SEL1L2: variants seen among roughly 807,000 people sequenced by gnomAD.
SEL1L2 encodes SEL1L2 adaptor subunit of SYVN1 ubiquitin ligase, also known as protein sel-1 homolog 2.
In SEL1L2, 89 loss-of-function variants were observed where a neutral mutation model predicts 98.8. The ratio of observed to expected loss-of-function variants is 0.90; its 90% CI spans 0.76 to 1.07. SEL1L2 has a LOEUF of 1.07. Among genes scored for constraint, SEL1L2 ranks in the 50% least tolerant of loss-of-function variants. The pLI is 0.00. For missense variants in SEL1L2, 788 were observed against 812.0 expected (o/e 0.97, Z 0.36); for synonymous variants, 262 against 278.5 (o/e 0.94, Z 0.59).
intron 18 of SEL1L2, among the ~76,000 whole-genome samples, chr20:13,852,930 C>T (rs1290245407): frequency 6.6e-6 from 1 of 151,912 alleles, no homozygotes; most frequent in African/African-American, 2.4e-5. Context: ...TTCTTATTTT[C>T]TTTTTATAAA....
At chr20:13,888,703 A>C (rs982848101) in intron 5 of SEL1L2, among the ~76,000 whole-genome samples, 191 bp from the exon 6 acceptor site, 1 of 127,882 alleles carries the variant, frequency 7.8e-6, no homozygotes, top group African/African-American at 3.0e-5. Flanking sequence ...CAGTGGCGAG[A>C]TCTCGGCTCA....
intron 1 of SEL1L2, among the ~76,000 whole-genome samples, chr20:13,972,166 A>T (rs2051315373): frequency 6.6e-6 from 1 of 152,186 alleles, no homozygotes; most frequent in Non-Finnish European, 1.5e-5. Context: ...TTCATTTAGA[A>T]ATCTGTTGAT....
intron 1 of SEL1L2, among the ~76,000 whole-genome samples, chr20:13,979,536 T>C (rs1269341202): frequency 6.6e-6 from 1 of 152,130 alleles, no homozygotes; most frequent in African/African-American, 2.4e-5. Flanking sequence ...TGATTATGTA[T>C]CAACGAAAAA....
At chr20:13,926,678 A>G (rs533065771) in intron 3 of SEL1L2, among the ~76,000 whole-genome samples, 1 of 152,366 alleles carries the variant, frequency 6.6e-6, no homozygotes, top group African/African-American at 2.4e-5. Flanking sequence ...TTGGGCAAAT[A>G]GTTCCTCGTT....
chr20:13,886,380 G>A lies in SEL1L2; in HGVS notation c.808C>T (p.Pro270Ser). Residue 270 changes from proline (P) to serine (S), a missense_variant, in exon 9 of 20, where the codon CCT becomes TCT. Coordinates refer to ENST00000284951, the MANE Select transcript of SEL1L2 (RefSeq NM_025229.2). ...TCACTGTTAGAACTCAGATTTTCAGGTCTTTCCGTTAGTCTCACTTTTTCC... is the reference window on the plus strand; with the variant it reads ...TCACTGTTAGAACTCAGATTTTCAGATCTTTCCGTTAGTCTCACTTTTTCC... ...PVEKVRLTERPENLSSNSEIL... is the reference protein window; with the variant it reads ...PVEKVRLTERSENLSSNSEIL... 1 of 1,613,630 alleles carries A rather than the reference G, an allele frequency of 6.2e-7. No homozygotes were observed. The highest frequency in any genetic ancestry group is 8.5e-7 in the Non-Finnish European group (1 of 1,179,688).
intron 1 of SEL1L2, among the ~76,000 whole-genome samples, chr20:13,987,050 C>T (rs2052229583): frequency 6.6e-6 from 1 of 152,118 alleles, no homozygotes; most frequent in South Asian, 2.1e-4. Flanking sequence ...CCAGGATGGT[C>T]TCCATCTCTT....
At chr20:13,894,801 T>C (rs996081472) in intron 5 of SEL1L2, among the ~76,000 whole-genome samples, 1 of 152,190 alleles carries the variant, frequency 6.6e-6, no homozygotes, top group African/African-American at 2.4e-5. Context: ...TTTGAAGAAA[T>C]AGCAGATCTG....
At chr20:13,975,091 T>C (rs989530808) in intron 1 of SEL1L2, among the ~76,000 whole-genome samples, 1 of 152,186 alleles carries the variant, frequency 6.6e-6, no homozygotes, top group African/African-American at 2.4e-5. Flanking sequence ...AACCAGGTTT[T>C]TTTTACTACA....
At chr20:13,855,398 T>C (rs1026208961) in intron 18 of SEL1L2, among the ~76,000 whole-genome samples, 3 of 152,240 alleles carry the variant, frequency 2.0e-5, no homozygotes, top group Admixed American at 2.0e-4. Context: ...TTTGTATTTT[T>C]TGGCGGTTTT....
At chr20:13,909,758 G>C (rs952820700) in intron 5 of SEL1L2, among the ~76,000 whole-genome samples, 1 of 152,132 alleles carries the variant, frequency 6.6e-6, no homozygotes, top group African/African-American at 2.4e-5. Flanking sequence ...CTGAGGTCAG[G>C]AGCTTGAGAC....
At chr20:13,993,566 A>G (rs1384560637), upstream of SEL1L2, among the ~76,000 whole-genome samples, 2 of 152,252 alleles carry the variant, frequency 1.3e-5, no homozygotes, top group Non-Finnish European at 2.9e-5. Context: ...TTGAGCTGAC[A>G]TGAAAGAAAA....
At chr20:13,994,256 A>G (rs1262577622), upstream of SEL1L2, among the ~76,000 whole-genome samples, 1 of 140,900 alleles carries the variant, frequency 7.1e-6, no homozygotes, top group African/African-American at 2.7e-5. Context: ...AGATGGAGCC[A>G]TTGCCCTCCA....
At chr20:13,861,660 A>G (rs1376467352) in intron 17 of SEL1L2, among the ~76,000 whole-genome samples, 16 of 152,174 alleles carry the variant, frequency 1.1e-4, no homozygotes, top group Admixed American at 6.5e-4. Context: ...CTAGAGGATG[A>G]TCTTTTTAAA....
At position 13,859,268 on chromosome 20, in the gene SEL1L2, G is replaced by A; in HGVS notation, c.1812C>T (p.Ile604=). The A allele has an allele frequency of 6.2e-7, 1 of 1,613,820 alleles. No individual in the cohort carries two copies. Among genetic ancestry groups the A allele is most frequent in the Non-Finnish European group, 8.5e-7 (1 of 1,179,830 alleles). ...TTATTACCAGCAAAATTACCTTTGTGATGCCTAAGCCGTGTTCATACATAT... is the reference window on the plus strand; with the variant it reads ...TTATTACCAGCAAAATTACCTTTGTAATGCCTAAGCCGTGTTCATACATAT... ...LAYMYEHGLG[I]TKDIHLARRL... is the part of the protein sequence containing the mutation. The change falls in exon 18 of 20, where the codon ATC becomes ATT. Residue 604 remains isoleucine, a synonymous_variant. Transcript: ENST00000284951.
intron 1 of SEL1L2, among the ~76,000 whole-genome samples, chr20:13,979,953 A>G (rs781121546): frequency 1.6e-4 from 24 of 152,320 alleles, no homozygotes; most frequent in African/African-American, 7.2e-5. Flanking sequence ...TTTGCAAACC[A>G]TACATTTGAT....
rs1459185151 is a variant in SEL1L2 at position 13,859,429 on chromosome 20, C to A, written c.1651G>T (p.Ala551Ser). The change falls in exon 18 of 20, where the codon GCA (alanine) becomes TCA (serine). Residue 551 changes from alanine (A) to serine (S), a missense_variant. Ala to Ser is a moderately conservative substitution (Grantham distance 99). Transcript: ENST00000284951. ...TCTCCAATTTTTACTCTAGCAAATG[C>A]ATTGCCTGATAGAAATATTAGAGAA... The part of the protein sequence containing the change: ...LWNRAAIQGN[A>S]FARVKIGDYH... 2 of 1,612,006 alleles carry A rather than the reference C, an allele frequency of 1.2e-6. No individual in the cohort carries two copies. Among genetic ancestry groups the A allele is most frequent in the Admixed American group, 3.3e-5 (2 of 59,938 alleles).
chr20:13,942,271 T>C (rs781051304), intron 2 of SEL1L2, among the ~76,000 whole-genome samples: 9 of 152,338 alleles, frequency 5.9e-5, no homozygotes, highest in Middle Eastern at 3.4e-3. Context: ...AGATTCCATA[T>C]ACTATGTTTA....
intron 18 of SEL1L2, among the ~76,000 whole-genome samples, chr20:13,853,480 C>T (rs1712534514): frequency 6.6e-6 from 1 of 152,124 alleles, no homozygotes; most frequent in East Asian, 1.9e-4. Flanking sequence ...TCTCAAAGTA[C>T]TGGGATTACA....
upstream of SEL1L2, among the ~76,000 whole-genome samples, chr20:13,994,226 AAAGAGGTTGCAGTGAGCTGAGATG>A (rs1405602611): frequency 1.5e-4 from 22 of 150,424 alleles, no homozygotes; most frequent in African/African-American, 5.4e-4. Flanking sequence ...AACCTGGCAG[AAAGAGGTTGCAGTGAGCTGAGATG>A]GAGCCATTGC....
Sources: allele counts gnomAD v4.1 joint callset (sites outside exome capture counted in the v4.1 genomes callset), GRCh38; gene constraint gnomAD v4.1.1; transcripts MANE v1.5; gene names NCBI Gene and HGNC (gene_info 2026-07-23, HGNC 2026-07-21).